The following ZBTB38 variants were observed in gnomAD, a reference collection of about 807,000 sequenced individuals.
The protein encoded by ZBTB38 is zinc finger and BTB domain containing 38.
A neutral mutation model predicts 76.8 loss-of-function variants in ZBTB38; 20 were observed. That is an observed-to-expected ratio of 0.26 (90% CI 0.18 to 0.38). ZBTB38 has a LOEUF of 0.38. Ranked by LOEUF, ZBTB38 falls within the 10% of genes least tolerant of loss-of-function variation. The pLI, the probability that ZBTB38 is intolerant of heterozygous loss-of-function variation, is 1.00. For synonymous variants in ZBTB38, 504 were observed against 544.2 expected (o/e 0.93, Z 1.03); for missense variants, 1,082 against 1,482.3 (o/e 0.73, Z 4.43).
At chr3:141,343,122 C>G (rs1943244368) in intron 1 of ZBTB38, among the ~76,000 whole-genome samples, 1 of 152,100 alleles carries the variant, frequency 6.6e-6, no homozygotes, top group Non-Finnish European at 1.5e-5. Context: ...CAGGATTGAT[C>G]CAAGAGAACA....
chr3:141,381,286 G>A (rs905308232), intron 2 of ZBTB38, 139 bp from the exon 3 acceptor site: 5 of 152,258 alleles, frequency 3.3e-5, no homozygotes, highest in African/African-American at 1.2e-4. Flanking sequence ...CACCTGTTGA[G>A]GATGCTCCCA....
intron 2 of ZBTB38, among the ~76,000 whole-genome samples, chr3:141,373,792 T>A (rs780469560): frequency 2.6e-5 from 4 of 152,180 alleles, no homozygotes; most frequent in Non-Finnish European, 4.4e-5. Flanking sequence ...AGGTGATATA[T>A]GCAAAATGAT....
chr3:141,401,072 CA>C (rs1217957271), intron 4 of ZBTB38, among the ~76,000 whole-genome samples: 1 of 152,202 alleles, frequency 6.6e-6, no homozygotes, highest in Non-Finnish European at 1.5e-5. Context: ...TGGAAACATA[CA>C]AACATGCAAT....
intron 3 of ZBTB38, chr3:141,386,099 C>T (rs773142819): frequency 6.6e-6 from 1 of 152,076 alleles, no homozygotes; most frequent in Non-Finnish European, 1.5e-5. Context: ...CTATTAATGG[C>T]TTGTTACTTT....
intron 1 of ZBTB38, among the ~76,000 whole-genome samples, chr3:141,343,989 T>A (rs1197718508): frequency 1.3e-5 from 2 of 152,324 alleles, no homozygotes; most frequent in East Asian, 3.9e-4. Flanking sequence ...GGGACTTGCA[T>A]CTAATCAATA....
chr3:141,445,367 G>A lies in ZBTB38; in HGVS notation c.2979G>A (p.Val993=), dbSNP rs747704752. 2.5e-6 allele frequency: 4 copies of A among 1,614,116 alleles called. No homozygotes were observed. The highest frequency in any genetic ancestry group is 3.4e-6 in the Non-Finnish European group (4 of 1,179,994). ...QCELCDGDKA[V]GAGNQGRPHR... is the part of the protein sequence containing the mutation. ...AACTCTGTGATGGAGACAAAGCAGT[G>A]GGGGCTGGAAACCAAGGAAGGCCCC... Residue 993 remains valine, a synonymous_variant, in exon 6 of 6, where the codon GTG becomes GTA. Transcript: ENST00000321464. The surrounding 1 kb of genome is among the most constrained non-coding windows in gnomAD (Gnocchi z 6.5).
In ZBTB38 at chr3:141,428,184, C is replaced by G. The variant is rs562021527; in HGVS notation, c.1-14205C>G. Among the ~76,000 whole-genome samples, 216 of 152,346 alleles carry G rather than the reference C, an allele frequency of 1.4e-3. 5 individuals are homozygous for G. In the South Asian group the frequency reaches 0.042, roughly 30 times the overall value. ...GTGATTTCTTGGCATATGACTCAGG[C>G]TGGTTGCCCCCAACTGCCCAACCTC... On this transcript the variant is annotated intron_variant, in intron 5 of 5. Coordinates refer to ENST00000321464, the MANE Select transcript of ZBTB38 (RefSeq NM_001376113.1).
chr3:141,333,150 G>A (rs1397195920), intron 1 of ZBTB38, among the ~76,000 whole-genome samples: 1 of 152,188 alleles, frequency 6.6e-6, no homozygotes, highest in African/African-American at 2.4e-5. Context: ...GAGGGCCCCA[G>A]GGGACAGTGT....
chr3:141,430,227 G>C (rs1027268438), intron 5 of ZBTB38, among the ~76,000 whole-genome samples: 4 of 152,006 alleles, frequency 2.6e-5, no homozygotes, highest in Non-Finnish European at 5.9e-5. Context: ...TACCACACCC[G>C]GCTAATTTTT....
intron 3 of ZBTB38, among the ~76,000 whole-genome samples, chr3:141,385,649 AGTGTGTGTGTGTGT>A (rs10617390): frequency 1.4e-5 from 2 of 147,040 alleles, no homozygotes; most frequent in African/African-American, 5.0e-5. Context: ...TCGAGCTTTG[AGTGTGTGTGTGTGT>A]GTGTGTGTGT....
intron 1 of ZBTB38, among the ~76,000 whole-genome samples, chr3:141,324,950 G>T (rs1199755680): frequency 6.6e-6 from 1 of 152,160 alleles, no homozygotes; most frequent in Admixed American, 6.5e-5. Context: ...TGAAACTTAG[G>T]TTTAAACAGT....
At chr3:141,383,741 C>T (rs752919609) in intron 3 of ZBTB38, 5 of 152,188 alleles carry the variant, frequency 3.3e-5, no homozygotes, top group Non-Finnish European at 7.3e-5. Flanking sequence ...AAAGGCTCAC[C>T]CCTCACGTCT....
chr3:141,345,405 A>G (rs1196873876), intron 1 of ZBTB38, among the ~76,000 whole-genome samples: 2 of 152,104 alleles, frequency 1.3e-5, no homozygotes, highest in East Asian at 1.9e-4. Context: ...CATGCTGGGA[A>G]CAGGTGAGCT....
At position 141,384,520 on chromosome 3, in the gene ZBTB38, T is replaced by C. The variant is rs575023227; in HGVS notation, c.-171-2352T>C. On this transcript the variant is annotated intron_variant, in intron 3 of 5. Transcript: ENST00000321464. ...TTGATGGGGAATATCTCAACAGACA[T>C]GAAGAGCATTCAATGCCTAGGTGTT... is the stretch of plus-strand genomic sequence containing the variant. Among the ~76,000 whole-genome samples the C allele has an allele frequency of 2.6e-5, 4 of 152,342 alleles. No individual in the cohort carries two copies. In the East Asian group the frequency reaches 7.7e-4, roughly 29 times the overall value.
chr3:141,398,733 T>A (rs1202693558), intron 4 of ZBTB38, among the ~76,000 whole-genome samples: 2 of 152,168 alleles, frequency 1.3e-5, no homozygotes, highest in Admixed American at 1.3e-4. Context: ...ACTTTTAAAA[T>A]ATATTTTTTA....
intron 4 of ZBTB38, chr3:141,387,139 G>A (rs1384474519): frequency 6.6e-6 from 1 of 152,324 alleles, no homozygotes; most frequent in African/African-American, 2.4e-5. Context: ...ATCTGGTAGC[G>A]AAGACTTGTT....
intron 5 of ZBTB38, among the ~76,000 whole-genome samples, chr3:141,407,002 G>A (rs897588974): frequency 3.9e-5 from 6 of 152,046 alleles, no homozygotes; most frequent in African/African-American, 7.2e-5. Flanking sequence ...ATTTGTCCCC[G>A]GCAAGTCCCA....
chr3:141,338,541 G>A (rs1343864658), intron 1 of ZBTB38, among the ~76,000 whole-genome samples: 3 of 152,176 alleles, frequency 2.0e-5, no homozygotes, highest in African/African-American at 7.2e-5. Context: ...ATTCATGCAG[G>A]AACAGAAAAA....
chr3:141,399,002 C>T (rs1201230726), intron 4 of ZBTB38, among the ~76,000 whole-genome samples: 2 of 152,118 alleles, frequency 1.3e-5, no homozygotes, highest in Non-Finnish European at 2.9e-5. Context: ...GTTGAAGAAA[C>T]TGTAGTTTCC....
Sources: gnomAD v4.1 joint callset for allele counts (sites outside exome capture counted in the v4.1 genomes callset) on GRCh38, gnomAD v4.1.1 for gene constraint, Gnocchi (gnomAD v3.1) non-coding constraint, MANE v1.5 for transcripts, NCBI Gene and HGNC (gene_info 2026-07-23, HGNC 2026-07-21) for gene names.